The following MTTP variants were observed in gnomAD, a reference collection of about 807,000 sequenced individuals.
MTTP encodes microsomal triglyceride transfer protein large subunit.
In MTTP, 49 loss-of-function variants were observed where a neutral mutation model predicts 90.6. The ratio of observed to expected loss-of-function variants is 0.54; its 90% CI spans 0.43 to 0.69. The LOEUF is 0.69. Ranked by LOEUF, MTTP falls within the 30% of genes least tolerant of loss-of-function variation. MTTP has a pLI of 0.00. For missense variants in MTTP, 945 were observed against 1,067.5 expected, an observed-to-expected ratio of 0.89 and a Z score of 1.60; for synonymous variants, 347 against 384.2, an observed-to-expected ratio of 0.90 and a Z score of 1.13.
At position 99,600,624 on chromosome 4, in the gene MTTP, T is replaced by C. The variant is rs1321848101; in HGVS notation, c.1127T>C (p.Leu376Ser). 1 of 1,613,850 alleles carries C rather than the reference T, an allele frequency of 6.2e-7. No homozygotes were observed. Among genetic ancestry groups the C allele is most frequent in the Non-Finnish European group, 8.5e-7 (1 of 1,179,812 alleles). ...AQTSDSLEAI[L>S]DFLDFKSDSS... ...ACCTCAGACTCATTAGAAGCCATTTTGGACTTTTTGGATTTCAAAAGTGAC... is the reference window on the plus strand; with the variant it reads ...ACCTCAGACTCATTAGAAGCCATTTCGGACTTTTTGGATTTCAAAAGTGAC... Residue 376 changes from leucine to serine, a missense_variant, in exon 9 of 18, where the codon TTG (leucine) becomes TCG (serine). By Grantham distance (145) the Leu-to-Ser change is moderately radical (BLOSUM62 -2). Transcript: ENST00000265517.
intron 14 of MTTP, among the ~76,000 whole-genome samples, chr4:99,612,622 C>T (rs963826861): frequency 1.3e-5 from 2 of 152,022 alleles, no homozygotes; most frequent in African/African-American, 4.8e-5. Context: ...GTATGGGTCC[C>T]GCCTCTGACA....
Position 99,605,869 on chromosome 4 carries a change from A to ATG in MTTP, c.1345-861_1345-860dup, listed in dbSNP as rs111417359. 2.3e-3 allele frequency among the ~76,000 whole-genome samples: 337 copies of ATG among 149,176 alleles called. 2 individuals are homozygous for ATG. Among genetic ancestry groups the ATG allele is most frequent in the Middle Eastern group, 0.01 (3 of 292 alleles). ...TCATCCATTCTCCCCAACCCCATGT[A>ATG]TGTGTGTGTGTGTGTGTGTATGTGT... On this transcript the variant is annotated intron_variant, in intron 10 of 17. Coordinates refer to ENST00000265517, the MANE Select transcript of MTTP (RefSeq NM_001386140.1).
chr4:99,599,364 G>A (rs6837699), intron 8 of MTTP, among the ~76,000 whole-genome samples: 12,319 of 152,116 alleles, frequency 0.081, 549 homozygotes, highest in Middle Eastern at 0.099. Context: ...AAGAAACCAT[G>A]GACTCCAGAG....
At chr4:99,619,127 A>G (rs1448498084) in intron 16 of MTTP, 29 bp downstream of exon 16, 5 of 1,587,268 alleles carry the variant, frequency 3.2e-6, no homozygotes, top group East Asian at 2.2e-5. Flanking sequence ...TACATTTATG[A>G]ATTACATATA....
intron 7 of MTTP, among the ~76,000 whole-genome samples, 180 bp downstream of exon 7, chr4:99,595,063 TAAC>T (rs992447454): frequency 3.3e-5 from 5 of 152,170 alleles, no homozygotes; most frequent in African/African-American, 9.7e-5. Context: ...CATCAATAAT[TAAC>T]AAATAGTTAC....
At chr4:99,617,488 G>A (rs1726125472) in intron 15 of MTTP, among the ~76,000 whole-genome samples, 1 of 152,148 alleles carries the variant, frequency 6.6e-6, no homozygotes, top group Non-Finnish European at 1.5e-5. Flanking sequence ...AATCATGGCA[G>A]TTATAGCTGG....
Position 99,575,774 on chromosome 4 carries a change from A to T in MTTP, c.61+804A>T, listed in dbSNP as rs368009847. ...TTTTCCAAATGCTGCATTGTGTAAA[A>T]TGATCACTTTTTAGTTTCTTAGGAA... On this transcript the variant is annotated intron_variant, in intron 1 of 17. Transcript: ENST00000265517. 6.6e-5 allele frequency among the ~76,000 whole-genome samples: 10 copies of T among 152,356 alleles called. No homozygotes were observed. The East Asian group carries it at 1.7e-3, about 26-fold the overall frequency.
chr4:99,604,083 G>C (rs1436952367), intron 10 of MTTP, among the ~76,000 whole-genome samples: 1 of 152,018 alleles, frequency 6.6e-6, no homozygotes, highest in Non-Finnish European at 1.5e-5. Context: ...TAAAGGTTCA[G>C]TTTTTCTTTT....
chr4:99,617,425 T>A (rs904446686), intron 15 of MTTP, among the ~76,000 whole-genome samples: 5 of 152,134 alleles, frequency 3.3e-5, no homozygotes, highest in South Asian at 2.1e-4. Flanking sequence ...TGACCTTTTT[T>A]TGGAAAGTGA....
intron 1 of MTTP, among the ~76,000 whole-genome samples, chr4:99,567,505 A>G (rs1477478889): frequency 1.3e-5 from 2 of 152,216 alleles, no homozygotes; most frequent in African/African-American, 2.4e-5. Context: ...GAGGAAACCA[A>G]TGTGAGGTCG....
upstream of MTTP, among the ~76,000 whole-genome samples, chr4:99,572,513 T>A (rs922414148): frequency 6.6e-6 from 1 of 152,052 alleles, no homozygotes; most frequent in Non-Finnish European, 1.5e-5. Flanking sequence ...AGTCCTAATA[T>A]CACTTCAGTA....
At chr4:99,598,469 G>C (rs149400900) in intron 8 of MTTP, among the ~76,000 whole-genome samples, 7 of 152,066 alleles carry the variant, frequency 4.6e-5, no homozygotes, top group African/African-American at 1.2e-4. Context: ...AAAATCTTAA[G>C]GCAGCAATAA....
intron 12 of MTTP, among the ~76,000 whole-genome samples, chr4:99,610,134 C>T (rs1305379707): frequency 6.6e-6 from 1 of 152,276 alleles, no homozygotes; most frequent in East Asian, 1.9e-4. Context: ...AGTCTCCCAG[C>T]AGGTGGTATT....
At chr4:99,576,689 C>T (rs1329122058) in intron 1 of MTTP, among the ~76,000 whole-genome samples, 7 of 85,050 alleles carry the variant, frequency 8.2e-5, no homozygotes, top group Admixed American at 4.9e-4. Flanking sequence ...AGCGAGACTC[C>T]GTCTCAAAAA....
intron 3 of MTTP, among the ~76,000 whole-genome samples, chr4:99,586,081 C>T (rs1725251667): frequency 1.3e-5 from 2 of 152,092 alleles, no homozygotes; most frequent in African/African-American, 4.8e-5. Context: ...GGATGCTCAT[C>T]AGCATGTAAT....
chr4:99,595,007 G>T, intron 7 of MTTP, 124 bp downstream of exon 7: 1 of 1,140,996 alleles, frequency 8.8e-7, no homozygotes, highest in African/African-American at 1.5e-5. Context: ...CCACAGAGTT[G>T]TGATGACAGC....
At chr4:99,574,579 C>T (rs1724907989), upstream of MTTP, 4 of 438,266 alleles carry the variant, frequency 9.1e-6, no homozygotes, top group South Asian at 8.6e-5. Context: ...TCTTTGAATG[C>T]CCCTCAGTAC....
chr4:99,616,162 G>A (rs1029471950), intron 15 of MTTP, among the ~76,000 whole-genome samples: 1 of 152,200 alleles, frequency 6.6e-6, no homozygotes, highest in African/African-American at 2.4e-5. Context: ...GGGTGGCCAA[G>A]GCAGGTGGAT....
rs909848407 is a variant in MTTP, at chr4:99,600,552, C to T, written c.1068-13C>T. 2 of 1,612,260 alleles carry T rather than the reference C, an allele frequency of 1.2e-6. No homozygotes were observed. Among genetic ancestry groups the T allele is most frequent in the Admixed American group, 1.7e-5 (1 of 59,984 alleles). On this transcript the variant is annotated splice_polypyrimidine_tract_variant and intron_variant, in intron 8 of 17. Coordinates refer to ENST00000265517, the MANE Select transcript of MTTP (RefSeq NM_001386140.1). ...CTAAACATTGATATCCATGATTATG[C>T]CTTTTTTTATAGACCTCAGCTGGTG...
Sources: gnomAD v4.1 joint callset for allele counts (sites outside exome capture counted in the v4.1 genomes callset) on GRCh38, gnomAD v4.1.1 for gene constraint, MANE v1.5 for transcripts, NCBI Gene and HGNC (gene_info 2026-07-23, HGNC 2026-07-21) for gene names.